Variants in CCSER1 observed in about 807,000 individuals in gnomAD.
CCSER1 encodes the protein coiled-coil serine rich protein 1.
A neutral mutation model predicts 82.0 loss-of-function variants in CCSER1; 41 were observed. The ratio of observed to expected loss-of-function variants is 0.50; its 90% CI spans 0.39 to 0.65. The LOEUF (loss-of-function observed/expected upper bound fraction) is 0.65. CCSER1 is among the 30% of genes least tolerant of loss of function. The pLI, the probability that CCSER1 is intolerant of heterozygous loss-of-function variation, is 0.00. For synonymous variants in CCSER1, 414 were observed against 383.9 expected (o/e 1.08, Z -0.92); for missense variants, 1,119 against 1,064.2 (o/e 1.05, Z -0.72).
intron 1 of CCSER1, among the ~76,000 whole-genome samples, chr4:90,279,083 C>T (rs780097819): frequency 6.6e-6 from 1 of 152,018 alleles, no homozygotes; most frequent in African/African-American, 2.4e-5. Context: ...TCCTGCTGAA[C>T]TTGAATAGAC....
intron 5 of CCSER1, among the ~76,000 whole-genome samples, chr4:90,557,203 A>G (rs112687766): frequency 1.3e-5 from 2 of 152,158 alleles, no homozygotes; most frequent in African/African-American, 4.8e-5. Context: ...AAAGTAAACT[A>G]AAATTGCTCA....
At chr4:91,161,404 A>G (rs578256448) in intron 10 of CCSER1, among the ~76,000 whole-genome samples, 1 of 152,226 alleles carries the variant, frequency 6.6e-6, no homozygotes, top group East Asian at 1.9e-4. Flanking sequence ...TTGGTTCCAT[A>G]TGAACTTTAA....
intron 9 of CCSER1, among the ~76,000 whole-genome samples, chr4:91,067,614 G>T (rs1720970273): frequency 7.4e-6 from 1 of 134,982 alleles, no homozygotes; most frequent in Non-Finnish European, 1.7e-5. Context: ...CACAGTGCTG[G>T]GATTACAGGT....
At chr4:90,970,361 T>C (rs989159360) in intron 9 of CCSER1, among the ~76,000 whole-genome samples, 1 of 151,774 alleles carries the variant, frequency 6.6e-6, no homozygotes, top group African/African-American at 2.4e-5. Context: ...AAACCAAGAA[T>C]GTCATTATAT....
chr4:90,870,320 C>A (rs538231105), intron 8 of CCSER1, among the ~76,000 whole-genome samples: 4 of 151,974 alleles, frequency 2.6e-5, no homozygotes, highest in Non-Finnish European at 5.9e-5. Flanking sequence ...TGATAACTAG[C>A]TGTGGGTCTG....
At chr4:90,300,075 G>A (rs574540592) in intron 1 of CCSER1, among the ~76,000 whole-genome samples, 26 of 152,118 alleles carry the variant, frequency 1.7e-4, no homozygotes, top group Admixed American at 1.0e-3. Context: ...ATGTTTTTCT[G>A]AGAAAGAATC....
intron 10 of CCSER1, among the ~76,000 whole-genome samples, chr4:91,277,266 AT>A (rs1197841312): frequency 6.6e-6 from 1 of 152,012 alleles, no homozygotes; most frequent in African/African-American, 2.4e-5. Context: ...CAGTGAAGCT[AT>A]TGGATCCTGA....
chr4:90,326,215 C>T (rs779604138), intron 3 of CCSER1, among the ~76,000 whole-genome samples: 131 of 151,938 alleles, frequency 8.6e-4, no homozygotes, highest in African/African-American at 6.3e-4. Context: ...CCTGCCACCA[C>T]GCCCGGCTAA....
chr4:90,326,717 T>A (rs943306662), intron 3 of CCSER1, among the ~76,000 whole-genome samples: 2 of 152,200 alleles, frequency 1.3e-5, no homozygotes, highest in African/African-American at 4.8e-5. Flanking sequence ...AGAATTCTTA[T>A]CAGGTTTCAA....
chr4:91,021,690 TAA>T (rs1372553454), intron 9 of CCSER1, among the ~76,000 whole-genome samples: 3 of 152,154 alleles, frequency 2.0e-5, no homozygotes, highest in African/African-American at 7.2e-5. Flanking sequence ...CCAGAAACTG[TAA>T]AAGACATAGG....
intron 10 of CCSER1, among the ~76,000 whole-genome samples, chr4:91,556,962 T>C (rs1344371225): frequency 1.3e-5 from 2 of 151,200 alleles, no homozygotes; most frequent in Non-Finnish European, 3.0e-5. Flanking sequence ...AATCTTCTTA[T>C]ACATATTTTC....
chr4:90,497,470 A>G (rs1325050597), intron 5 of CCSER1, among the ~76,000 whole-genome samples: 13 of 152,306 alleles, frequency 8.5e-5, no homozygotes, highest in South Asian at 4.1e-4. Flanking sequence ...TCCTCCTCAT[A>G]ACTAAGAATA....
chr4:91,587,662 G>A (rs1764062679), intron 10 of CCSER1, among the ~76,000 whole-genome samples: 1 of 151,724 alleles, frequency 6.6e-6, no homozygotes, highest in African/African-American at 2.4e-5. Flanking sequence ...TGGCTGGCAT[G>A]TACAATTAAA....
chr4:90,850,847 G>GTTTTT (rs1358715841), intron 8 of CCSER1, among the ~76,000 whole-genome samples: 2 of 152,156 alleles, frequency 1.3e-5, no homozygotes, highest in Non-Finnish European at 2.9e-5. Context: ...TAAATGTGAG[G>GTTTTT]ACATGATATT....
intron 1 of CCSER1, among the ~76,000 whole-genome samples, chr4:90,220,417 G>C (rs1349120446): frequency 1.3e-5 from 2 of 151,486 alleles, no homozygotes; most frequent in Non-Finnish European, 2.9e-5. Context: ...TGTCGCCTAT[G>C]TGATTTTTTC....
chr4:90,217,374 T>G (rs1056154191), intron 1 of CCSER1, among the ~76,000 whole-genome samples: 1 of 152,054 alleles, frequency 6.6e-6, no homozygotes, highest in East Asian at 1.9e-4. Flanking sequence ...TTTTTGTATT[T>G]TTTTAGTAGA....
At chr4:90,773,531 A>G (rs1015088691) in intron 7 of CCSER1, among the ~76,000 whole-genome samples, 1 of 152,176 alleles carries the variant, frequency 6.6e-6, no homozygotes, top group African/African-American at 2.4e-5. Context: ...GTTTAATAAG[A>G]CTACTCAGGA....
At chr4:91,404,030 C>CT (rs1202116641) in intron 10 of CCSER1, among the ~76,000 whole-genome samples, 3 of 152,000 alleles carry the variant, frequency 2.0e-5, no homozygotes, top group Admixed American at 6.6e-5. Flanking sequence ...TGGTCCTGGA[C>CT]TTTTTTTGGT....
At chr4:90,164,183 A>G (rs1403520925) in intron 1 of CCSER1, among the ~76,000 whole-genome samples, 1 of 151,796 alleles carries the variant, frequency 6.6e-6, no homozygotes, top group Non-Finnish European at 1.5e-5. Flanking sequence ...AAAGCCTGCC[A>G]TGTCACACAT....
Sources: allele counts gnomAD v4.1 joint callset (sites outside exome capture counted in the v4.1 genomes callset), GRCh38; gene constraint gnomAD v4.1.1; transcripts MANE v1.5; gene names NCBI Gene and HGNC (gene_info 2026-07-23, HGNC 2026-07-21).